Variants in TTLL13 observed in about 807,000 individuals in gnomAD.
The protein encoded by TTLL13 is tubulin polyglutamylase TTLL13.
the TTLL13 span, chr15:90,253,215 C>A: frequency 6.4e-7 from 1 of 1,569,578 alleles, no homozygotes; most frequent in South Asian, 1.1e-5. Context: ...TGCTGGTGTC[C>A]ATGCTGGCAC....
the TTLL13 span, among the ~76,000 whole-genome samples, chr15:90,260,066 T>C: frequency 6.6e-6 from 1 of 152,334 alleles, no homozygotes; most frequent in African/African-American, 2.4e-5. Flanking sequence ...AACTGTAATA[T>C]ACTGGCTATT....
At chr15:90,251,679 C>T in the TTLL13 span, 1 of 1,493,142 alleles carries the variant, frequency 6.7e-7, no homozygotes, top group African/African-American at 1.4e-5. Flanking sequence ...GACCCCCGAT[C>T]AGGCTTCCAG....
At chr15:90,255,814 C>T in the TTLL13 span, 1 of 1,614,162 alleles carries the variant, frequency 6.2e-7, no homozygotes, top group Non-Finnish European at 8.5e-7. Context: ...TGGCTCGGAA[C>T]CTCAACCGCA....
the TTLL13 span, chr15:90,256,270 T>C: frequency 6.2e-7 from 1 of 1,614,160 alleles, no homozygotes; most frequent in Non-Finnish European, 8.5e-7. Flanking sequence ...CAGGAGAGCA[T>C]ATGATCTGCC....
the TTLL13 span, chr15:90,262,501 AGAG>A: frequency 6.7e-7 from 1 of 1,497,392 alleles, no homozygotes; most frequent in Non-Finnish European, 8.8e-7. Context: ...GGCAGCAACT[AGAG>A]GAGATCCGCC....
chr15:90,261,057 C>T, the TTLL13 span, among the ~76,000 whole-genome samples: 1 of 151,100 alleles, frequency 6.6e-6, no homozygotes, highest in Non-Finnish European at 1.5e-5. Context: ...CTGTAATGAA[C>T]GTATATTACC....
At chr15:90,258,386 TG>T in the TTLL13 span, 1 of 896,502 alleles carries the variant, frequency 1.1e-6, no homozygotes, top group Non-Finnish European at 1.8e-6. Flanking sequence ...GTGAAAGCCC[TG>T]GGGTGGGCAG....
At chr15:90,257,091 G>A in the TTLL13 span, 2 of 1,571,324 alleles carry the variant, frequency 1.3e-6, no homozygotes, top group Non-Finnish European at 1.7e-6. Flanking sequence ...CACATAGTAG[G>A]CACTTCAAAA....
the TTLL13 span, chr15:90,250,600 C>G: frequency 1.9e-6 from 3 of 1,601,474 alleles, no homozygotes; most frequent in East Asian, 4.5e-5. Context: ...ACACTTCATT[C>G]CCACCCCGCA....
the TTLL13 span, chr15:90,250,877 C>T: frequency 7.0e-5 from 113 of 1,613,568 alleles, no homozygotes; most frequent in South Asian, 1.0e-3. Context: ...GAAGAGAAGG[C>T]GGAAACGCAG....
chr15:90,263,358 A>C, the TTLL13 span: 1 of 531,708 alleles, frequency 1.9e-6, no homozygotes, highest in East Asian at 3.1e-5. Flanking sequence ...ACATCCAGCA[A>C]GTTGCAGCTC....
At chr15:90,259,523 GT>G in the TTLL13 span, among the ~76,000 whole-genome samples, 1 of 152,082 alleles carries the variant, frequency 6.6e-6, no homozygotes, top group African/African-American at 2.4e-5. Flanking sequence ...ACTATCATAT[GT>G]ATATAGTACG....
the TTLL13 span, chr15:90,264,615 T>C: frequency 7.6e-7 from 1 of 1,319,374 alleles, no homozygotes; most frequent in African/African-American, 1.5e-5. Context: ...GAGGGAAGCA[T>C]GAGATGCCCT....
chr15:90,264,569 C>A, the TTLL13 span: 2 of 881,980 alleles, frequency 2.3e-6, no homozygotes, highest in Non-Finnish European at 3.4e-6. Context: ...AAAAGACATA[C>A]CATACCAATT....
At chr15:90,260,631 T>C in the TTLL13 span, among the ~76,000 whole-genome samples, 1 of 152,054 alleles carries the variant, frequency 6.6e-6, no homozygotes, top group Non-Finnish European at 1.5e-5. Context: ...GGTGGGCGGA[T>C]CAGGAGGTCA....
the TTLL13 span, chr15:90,257,850 C>G: frequency 9.9e-7 from 1 of 1,010,028 alleles, no homozygotes; most frequent in South Asian, 1.5e-5. Context: ...AGACCCTGTC[C>G]TGTGCCTGCA....
chr15:90,251,956 C>A, the TTLL13 span, among the ~76,000 whole-genome samples: 2 of 151,964 alleles, frequency 1.3e-5, no homozygotes, highest in African/African-American at 4.8e-5. Context: ...CTTAATGCAG[C>A]CTTGAACTCC....
the TTLL13 span, chr15:90,262,835 A>C: frequency 8.0e-7 from 1 of 1,249,616 alleles, no homozygotes; most frequent in Non-Finnish European, 1.1e-6. Flanking sequence ...GAGAGAATGG[A>C]CAGCAAAAGG....
chr15:90,260,701 A>G, the TTLL13 span, among the ~76,000 whole-genome samples: 1 of 151,650 alleles, frequency 6.6e-6, no homozygotes, highest in South Asian at 2.1e-4. Flanking sequence ...AAATACAAAA[A>G]TTAGCTGGGC....
Sources: allele counts gnomAD v4.1 joint callset (sites outside exome capture counted in the v4.1 genomes callset), GRCh38; gene constraint gnomAD v4.1.1; transcripts MANE v1.5; gene names NCBI Gene and HGNC (gene_info 2026-07-23, HGNC 2026-07-21).